The following APC variants were observed in gnomAD, a reference collection of about 807,000 sequenced individuals.
The protein encoded by APC is adenomatous polyposis coli protein.
APC carries 72 observed loss-of-function variants against 247.0 expected under a neutral mutation model. The observed-to-expected ratio is 0.29, with a 90% CI of 0.24 to 0.35. The LOEUF (loss-of-function observed/expected upper bound fraction) is 0.35. APC is among the 10% of genes least tolerant of loss of function. APC has a pLI of 1.00. For missense variants in APC, 3,400 were observed against 3,360.7 expected (o/e 1.01, Z -0.29); for synonymous variants, 1,254 against 1,162.5 (o/e 1.08, Z -1.60).
At position 112,720,506 on chromosome 5, in the gene APC, G is replaced by A. The variant is rs567584093; in HGVS notation, c.165+12624G>A. 2.0e-5 allele frequency among the ~76,000 whole-genome samples: 3 copies of A among 152,214 alleles called. No individual in the cohort carries two copies. The South Asian group carries it at 6.2e-4, about 32-fold the overall frequency. ...CATTAAGTCTCTCATGAACCCTCCCGTCCTACCCATCTCCTATTTTAAACA... is the reference window on the plus strand; with the variant it reads ...CATTAAGTCTCTCATGAACCCTCCCATCCTACCCATCTCCTATTTTAAACA... On this transcript the variant is annotated intron_variant, in intron 1 of 13. Transcript: ENST00000507379.
chr5:112,792,824 T>C (rs1459973198), intron 7 of APC, among the ~76,000 whole-genome samples: 2 of 152,168 alleles, frequency 1.3e-5, no homozygotes, highest in Non-Finnish European at 2.9e-5. Context: ...GTAAGTAAAC[T>C]TTTTTATAGA....
chr5:112,838,719 G>C lies in APC; in HGVS notation c.3125G>C (p.Ser1042Thr), dbSNP rs786203919. The change falls in exon 16 of 16, where the codon AGT (serine) becomes ACT (threonine). Residue 1042 changes from serine to threonine, a missense_variant. By Grantham distance (58) the Ser-to-Thr change is moderately conservative. Transcript: ENST00000257430. Reference protein sequence around the residue: ...SDEQLNSGRQSPSQNERWARP... With the variant: ...SDEQLNSGRQTPSQNERWARP... The stretch of plus-strand genomic sequence containing the variant: ...GAGCAGTTGAACTCTGGAAGGCAAA[G>C]TCCTTCACAGAATGAAAGATGGGCA... 16 of 1,614,128 alleles carry C rather than the reference G, an allele frequency of 9.9e-6. No homozygotes were observed. The highest frequency in any genetic ancestry group is 1.4e-5 in the Non-Finnish European group (16 of 1,180,010).
In APC at chr5:112,834,962, C is replaced by G. The variant is rs1366220818; in HGVS notation, c.1755C>G (p.Leu585=). Residue 585 remains leucine, a synonymous_variant, in exon 15 of 16, where the codon CTC becomes CTG. Transcript: ENST00000257430. ...CTGTTTCTTACTAGGAATCAACCCT[C>G]AAAAGCGTATTGAGTGCCTTATGGA... The part of the protein sequence containing the change: ...CALEVKKEST[L]KSVLSALWNL... 1.2e-6 allele frequency: 2 copies of G among 1,613,960 alleles called. No homozygotes were observed. Among genetic ancestry groups the G allele is most frequent in the Non-Finnish European group, 1.7e-6 (2 of 1,179,892 alleles).
chr5:112,838,977 C>G lies in APC; in HGVS notation c.3383C>G (p.Ser1128Cys), dbSNP rs755586334. Residue 1128 changes from serine (S) to cysteine (C), a missense_variant, in exon 16 of 16, where the codon TCT (serine) becomes TGT (cysteine). By Grantham distance (112) the Ser-to-Cys change is moderately radical. Transcript: ENST00000257430. ...GGAATTAATCAAAATGTAAGCCAGTCTTTGTGTCAAGAAGATGACTATGAA... is the reference window on the plus strand; with the variant it reads ...GGAATTAATCAAAATGTAAGCCAGTGTTTGTGTCAAGAAGATGACTATGAA... ...NHGINQNVSQ[S>C]LCQEDDYEDD... 7.4e-6 allele frequency: 12 copies of G among 1,614,004 alleles called. No homozygotes were observed. In the Admixed American group the frequency reaches 1.8e-4, roughly 25 times the overall value.
intron 14 of APC, among the ~76,000 whole-genome samples, chr5:112,831,825 A>G (rs1356397397): frequency 6.6e-6 from 1 of 152,198 alleles, no homozygotes; most frequent in Non-Finnish European, 1.5e-5. Flanking sequence ...TGTGGCTTCT[A>G]TTACAGTGTT....
chr5:112,743,889 T>C (rs751662536), intron 1 of APC, among the ~76,000 whole-genome samples: 1 of 152,150 alleles, frequency 6.6e-6, no homozygotes, highest in Non-Finnish European at 1.5e-5. Flanking sequence ...TTTTTTTGTT[T>C]GTTGGTTTTT....
intron 1 of APC, among the ~76,000 whole-genome samples, chr5:112,711,399 G>T (rs1266104660): frequency 6.6e-6 from 1 of 152,202 alleles, no homozygotes; most frequent in Non-Finnish European, 1.5e-5. Flanking sequence ...CAAAAAGGTT[G>T]GGGACTGCTG....
intron 4 of APC, among the ~76,000 whole-genome samples, chr5:112,767,819 C>T (rs527241999): frequency 2.7e-5 from 4 of 149,582 alleles, no homozygotes; most frequent in South Asian, 4.3e-4. Flanking sequence ...TTGGTAGAGA[C>T]GGGGTTTCTT....
chr5:112,778,188 AT>A, intron 5 of APC: 3 of 201,822 alleles, frequency 1.5e-5, no homozygotes, highest in Non-Finnish European at 2.1e-5. Flanking sequence ...ATTGGAGGCC[AT>A]TTTTTATTGC....
At chr5:112,737,986 C>A in intron 1 of APC, 61 bp downstream of exon 1, 2 of 953,948 alleles carry the variant, frequency 2.1e-6, no homozygotes, top group Non-Finnish European at 2.5e-6. Context: ...GGTGGTTTTC[C>A]CTCGCACTGT....
chr5:112,717,908 C>CTTTTTTGTTTTTTTTTTTTTTTT (rs1751265302), intron 1 of APC, among the ~76,000 whole-genome samples: 1 of 40,634 alleles, frequency 2.5e-5, no homozygotes, highest in South Asian at 1.3e-3. Context: ...TTTTCTTTTT[C>CTTTTTTGTTTTTTTTTTTTTTTT]TTTTTTTTTT....
chr5:112,780,921 A>G lies in APC; in HGVS notation c.645+18A>G, dbSNP rs1554072643. The G allele has an allele frequency of 4.0e-6, 6 of 1,510,964 alleles. No homozygotes were observed. The highest frequency in any genetic ancestry group is 5.5e-6 in the Non-Finnish European group (6 of 1,089,374). The allele number at this position is 1,510,964 out of a possible 1,614,324, so 93.6% of individuals were successfully genotyped here. A position where few individuals can be genotyped will look rare whatever the true frequency, so the allele number is the denominator to read the frequency against. ...GAGCACAGGTAAGTTACTTGTTTCT[A>G]AGTGATAAAACAGCGAAGAGCTATT... On this transcript the variant is annotated intron_variant, in intron 6 of 15. Transcript: ENST00000257430.
intron 4 of APC, among the ~76,000 whole-genome samples, chr5:112,772,682 A>T (rs373060402): frequency 3.3e-4 from 50 of 151,902 alleles, no homozygotes; most frequent in African/African-American, 1.1e-3. Context: ...GCGCCCAGCT[A>T]ATTTCTGTAT....
chr5:112,795,291 G>T (rs1760094710), intron 7 of APC, among the ~76,000 whole-genome samples: 1 of 152,176 alleles, frequency 6.6e-6, no homozygotes, highest in Non-Finnish European at 1.5e-5. Flanking sequence ...CTCCCAAAGT[G>T]TTAGGATTAC....
intron 2 of APC, among the ~76,000 whole-genome samples, chr5:112,764,635 A>AGTCTGAAG (rs1335028222): frequency 1.3e-5 from 2 of 152,244 alleles, no homozygotes; most frequent in Non-Finnish European, 2.9e-5. Context: ...TGGAAAAGTG[A>AGTCTGAAG]GTCTGAAGTT....
At chr5:112,751,977 CAT>C (rs2149726197) in intron 1 of APC, among the ~76,000 whole-genome samples, 1 of 152,062 alleles carries the variant, frequency 6.6e-6, no homozygotes, top group East Asian at 1.9e-4. Flanking sequence ...TTGGCATGAA[CAT>C]ATGATTTTTT....
At chr5:112,734,361 G>A (rs1308548876), upstream of APC, among the ~76,000 whole-genome samples, 4 of 152,130 alleles carry the variant, frequency 2.6e-5, no homozygotes. Flanking sequence ...GAACCAGTTA[G>A]GCACACATCT....
intron 7 of APC, among the ~76,000 whole-genome samples, chr5:112,793,224 G>A (rs1322532896): frequency 6.6e-6 from 1 of 152,152 alleles, no homozygotes; most frequent in Non-Finnish European, 1.5e-5. Context: ...CCTCTGAAGA[G>A]GTGGAGAGGG....
chr5:112,845,443 ATCT>A lies in APC; in HGVS notation c.*1322_*1324del, dbSNP rs1329125335. 5 of 233,092 alleles carry A rather than the reference ATCT, an allele frequency of 2.1e-5. No homozygotes were observed. The highest frequency in any genetic ancestry group is 6.0e-5 in the East Asian group (1 of 16,538). 14.4% of individuals were successfully genotyped at this position (233,092 alleles called of 1,614,324 possible). ...ACAGTGTAAACTGTCTTGCCCCTTCATCTTCTTGTTGCAACTGGGTCTGACATG... is the reference window on the plus strand; with the variant it reads ...ACAGTGTAAACTGTCTTGCCCCTTCATCTTGTTGCAACTGGGTCTGACATG... On this transcript the variant is annotated 3_prime_UTR_variant, in exon 16 of 16. Coordinates refer to ENST00000257430, the MANE Select transcript of APC (RefSeq NM_000038.6).
Sources: gnomAD v4.1 joint callset for allele counts (sites outside exome capture counted in the v4.1 genomes callset) on GRCh38, gnomAD v4.1.1 for gene constraint, MANE v1.5 for transcripts, NCBI Gene and HGNC (gene_info 2026-07-23, HGNC 2026-07-21) for gene names.